The following TIE1 variants were observed in gnomAD, a reference collection of about 807,000 sequenced individuals.
TIE1 encodes tyrosine-protein kinase receptor Tie-1.
A neutral mutation model predicts 130.5 loss-of-function variants in TIE1; 89 were observed. The observed-to-expected ratio is 0.68, with a 90% CI of 0.57 to 0.81. The LOEUF (loss-of-function observed/expected upper bound fraction) is 0.81, where lower values mean the gene tolerates loss of function less well. Ranked by LOEUF, TIE1 falls within the 40% of genes least tolerant of loss-of-function variation. The pLI is 0.00. For synonymous variants in TIE1, 568 were observed against 629.4 expected (o/e 0.90, Z 1.46); for missense variants, 1,392 against 1,559.8 (o/e 0.89, Z 1.81).
chr1:43,309,373 C>A lies in TIE1; in HGVS notation c.1189-15C>A. The A allele has an allele frequency of 6.4e-7, 1 of 1,572,812 alleles. No individual in the cohort carries two copies. Among genetic ancestry groups the A allele is most frequent in the East Asian group, 2.2e-5 (1 of 44,762 alleles). On this transcript the variant is annotated splice_polypyrimidine_tract_variant and intron_variant, in intron 8 of 22. Transcript: ENST00000372476. This position sits in a 1 kb window ranked among gnomAD's most constrained non-coding sequence, Gnocchi z 6.3. ...CCGTTCCCTGTGACCTGTCCCCTTCCCCCATCTCTTTTAGTCCACCAAGGC... is the reference window on the plus strand; with the variant it reads ...CCGTTCCCTGTGACCTGTCCCCTTCACCCATCTCTTTTAGTCCACCAAGGC...
Position 43,311,756 on chromosome 1 carries a change from G to A in TIE1, c.1419G>A (p.Gly473=), listed in dbSNP as rs2153911715. 2 of 1,614,120 alleles carry A rather than the reference G, an allele frequency of 1.2e-6. No individual in the cohort carries two copies. Among genetic ancestry groups the A allele is most frequent in the South Asian group, 1.1e-5 (1 of 91,086 alleles). ...LVVSPLVSFS[G]DGPISTVRLH... ...TCTCCCCGCTGGTCTCGTTCTCTGG[G>A]GATGGACCCATCTCCACTGTCCGCC... The change falls in exon 10 of 23, where the codon GGG becomes GGA. Residue 473 remains glycine, a synonymous_variant. Transcript: ENST00000372476.
In TIE1 at chr1:43,304,845, C is replaced by A. The variant is rs557337556; in HGVS notation, c.59-6C>A. 16 of 1,416,884 alleles carry A rather than the reference C, an allele frequency of 1.1e-5. 1 individual carries two copies. The African/African-American group carries it at 2.1e-4, about 18-fold the overall frequency. 87.8% of individuals were successfully genotyped at this position (1,416,884 alleles called of 1,614,324 possible). On this transcript the variant is annotated splice_polypyrimidine_tract_variant and splice_region_variant and intron_variant, in intron 1 of 22. Coordinates refer to ENST00000372476, the MANE Select transcript of TIE1 (RefSeq NM_005424.5). ...TACAATAGAGTCACTGGTGTCCTGG[C>A]CCCAGGCGCGGCGGTGGACCTGACG...
Position 43,313,307 on chromosome 1 carries a change from G to A in TIE1, c.2100G>A (p.Glu700=). The A allele has an allele frequency of 1.2e-6, 2 of 1,614,052 alleles. No individual in the cohort carries two copies. Among genetic ancestry groups the A allele is most frequent in the Non-Finnish European group, 1.7e-6 (2 of 1,179,960 alleles). Reference sequence around the variant, plus strand: ...GGATAGACGTGGACAGGCCTGAGGAGACAAGCACCATCATCCGTGGCCTCA... The same window carrying A: ...GGATAGACGTGGACAGGCCTGAGGAAACAAGCACCATCATCCGTGGCCTCA... ...PLWIDVDRPE[E]TSTIIRGLNA... is the part of the protein sequence containing the mutation. Residue 700 remains glutamate (E), a synonymous_variant, in exon 13 of 23, where the codon GAG becomes GAA. Transcript: ENST00000372476. This position sits in a 1 kb window ranked among gnomAD's most constrained non-coding sequence, Gnocchi z 6.2.
At position 43,306,269 on chromosome 1, in the gene TIE1, C is replaced by G. The variant is rs1646727324; in HGVS notation, c.485-571C>G. Among the ~76,000 whole-genome samples, 1 of 152,128 alleles carries G rather than the reference C, an allele frequency of 6.6e-6. No homozygotes were observed. The highest frequency in any genetic ancestry group is 2.1e-4 in the South Asian group (1 of 4,830). Reference sequence around the variant, plus strand: ...GAGAAGAGCAGTAGGGTCTGAAACACAAGGGTGTTTCTAGAAGAGAAACAA... The same window carrying G: ...GAGAAGAGCAGTAGGGTCTGAAACAGAAGGGTGTTTCTAGAAGAGAAACAA... On this transcript the variant is annotated intron_variant, in intron 3 of 22. Transcript: ENST00000372476. The surrounding 1 kb of genome is among the most constrained non-coding windows in gnomAD (Gnocchi z 4.9).
At chr1:43,305,921 C>T (rs753289527) in intron 3 of TIE1, among the ~76,000 whole-genome samples, 1 of 152,194 alleles carries the variant, frequency 6.6e-6, no homozygotes, top group Non-Finnish European at 1.5e-5. Flanking sequence ...GATTCACAAC[C>T]CCTTGGCTGA....
At chr1:43,314,090 A>G in intron 14 of TIE1, 122 bp downstream of exon 14, 2 of 1,086,096 alleles carry the variant, frequency 1.8e-6, no homozygotes, top group Middle Eastern at 1.9e-4. Context: ...TGTTGCAGGT[A>G]TAAGATTACA....
chr1:43,309,392 C>A lies in TIE1; in HGVS notation c.1193C>A (p.Thr398Asn). ...CCCTTCCCCCATCTCTTTTAGTCCA[C>A]CAAGGCCATTGTGGAGCCAGAGAAG... ...RKPDGTVLLSTKAIVEPEKTT... is the reference protein window; with the variant it reads ...RKPDGTVLLSNKAIVEPEKTT... The change falls in exon 9 of 23, where the codon ACC becomes AAC. Residue 398 changes from threonine (T) to asparagine (N), a missense_variant. Physicochemically the swap from Thr to Asn is moderately conservative, Grantham distance 65. Transcript: ENST00000372476. This position sits in a 1 kb window ranked among gnomAD's most constrained non-coding sequence, Gnocchi z 6.3. The A allele has an allele frequency of 6.3e-7, 1 of 1,590,216 alleles. No homozygotes were observed.
At chr1:43,320,616 G>C (rs972446538) in intron 19 of TIE1, 16 of 152,222 alleles carry the variant, frequency 1.1e-4, no homozygotes, top group African/African-American at 3.9e-4. Flanking sequence ...ACTTTGGGAG[G>C]CCAAGGCGGG....
In TIE1 at chr1:43,306,548, C is replaced by A. The variant is rs907112995; in HGVS notation, c.485-292C>A. 1.3e-5 allele frequency among the ~76,000 whole-genome samples: 2 copies of A among 152,110 alleles called. No homozygotes were observed. Among genetic ancestry groups the A allele is most frequent in the African/African-American group, 4.8e-5 (2 of 41,412 alleles). On this transcript the variant is annotated intron_variant, in intron 3 of 22. Transcript: ENST00000372476. The surrounding 1 kb of genome is among the most constrained non-coding windows in gnomAD (Gnocchi z 4.9). The stretch of plus-strand genomic sequence containing the variant: ...GAGGCAGAGGAGCCTTGTGAGGCCC[C>A]TGGAGGCTAGGACCAGGGCAGTGGC...
At position 43,318,269 on chromosome 1, in the gene TIE1, C is replaced by T. The variant is rs540048854; in HGVS notation, c.2922+197C>T. 5.9e-5 allele frequency among the ~76,000 whole-genome samples: 9 copies of T among 152,164 alleles called. No homozygotes were observed. The East Asian group carries it at 9.7e-4, about 16-fold the overall frequency. On this transcript the variant is annotated intron_variant, in intron 17 of 22. Coordinates refer to ENST00000372476, the MANE Select transcript of TIE1 (RefSeq NM_005424.5). The surrounding 1 kb of genome is among the most constrained non-coding windows in gnomAD (Gnocchi z 4.4). ...GTGGGGACTTCCAGTATGGAGGGTGCGGGTGTTGAGTGAGCAGGTCTAGAT... is the reference window on the plus strand; with the variant it reads ...GTGGGGACTTCCAGTATGGAGGGTGTGGGTGTTGAGTGAGCAGGTCTAGAT...
chr1:43,305,110 G>A lies in TIE1; in HGVS notation c.318G>A (p.Val106=). ...ACCTCGTGGGCGTCTTCTCCTGCGT[G>A]GGCGGTGCTGGGGCGCGGCGCACGC... is the stretch of plus-strand genomic sequence containing the variant. The part of the protein sequence containing the change: ...PSDLVGVFSC[V]GGAGARRTRV... Residue 106 remains valine (V), a synonymous_variant, in exon 2 of 23, where the codon GTG becomes GTA. Transcript: ENST00000372476. The A allele has an allele frequency of 6.2e-7, 1 of 1,613,484 alleles. No individual in the cohort carries two copies. Among genetic ancestry groups the A allele is most frequent in the Non-Finnish European group, 8.5e-7 (1 of 1,179,724 alleles).
rs1040977734 is a variant in TIE1 at position 43,304,788 on chromosome 1, G to A, written c.59-63G>A. On this transcript the variant is annotated intron_variant, in intron 1 of 22. Coordinates refer to ENST00000372476, the MANE Select transcript of TIE1 (RefSeq NM_005424.5). The stretch of plus-strand genomic sequence containing the variant: ...TCAGTAAGACCAGAGGGCTGGGGCT[G>A]GGGGCTCTGGGGCACTAGGGTTGGC... 3 of 1,369,122 alleles carry A rather than the reference G, an allele frequency of 2.2e-6. No individual in the cohort carries two copies. In the African/African-American group the frequency reaches 4.6e-5, roughly 21 times the overall value. 84.8% of individuals were successfully genotyped at this position (1,369,122 alleles called of 1,614,324 possible). A position where few individuals can be genotyped will look rare whatever the true frequency, so the allele number is the denominator to read the frequency against.
chr1:43,305,324 C>A lies in TIE1; in HGVS notation c.465C>A (p.Asp155Glu). 6.4e-7 allele frequency: 1 copy of A among 1,569,946 alleles called. No individual in the cohort carries two copies. The change falls in exon 3 of 23, where the codon GAC (aspartate) becomes GAA (glutamate). Residue 155 changes from aspartate to glutamate, a missense_variant. Transcript: ENST00000372476. ...SARVHKEKQT[D>E]VIWKSNGSYF... ...GTGTGCACAAGGAGAAGCAGACAGA[C>A]GTGATCTGGAAGAGCAACGGTAAAG...
chr1:43,312,151 C>T lies in TIE1; in HGVS notation c.1630+20C>T, dbSNP rs748972513. On this transcript the variant is annotated intron_variant, in intron 11 of 22. Transcript: ENST00000372476. This position sits in a 1 kb window ranked among gnomAD's most constrained non-coding sequence, Gnocchi z 5.6. Reference sequence around the variant, plus strand: ...GTCCTGGTGAGAGGCCAAGAGTCATCCCTTCCTGTCCCCCCAAGGGTTACT... The same window carrying T: ...GTCCTGGTGAGAGGCCAAGAGTCATTCCTTCCTGTCCCCCCAAGGGTTACT... 2.0e-6 allele frequency: 3 copies of T among 1,518,762 alleles called. No individual in the cohort carries two copies. In the South Asian group the frequency reaches 4.0e-5, roughly 20 times the overall value. The allele number at this position is 1,518,762 out of a possible 1,614,324, so 94.1% of individuals were successfully genotyped here.
chr1:43,317,483 C>A lies in TIE1; in HGVS notation c.2620+74C>A. The A allele has an allele frequency of 6.2e-7, 1 of 1,608,160 alleles. No homozygotes were observed. On this transcript the variant is annotated intron_variant, in intron 15 of 22. Coordinates refer to ENST00000372476, the MANE Select transcript of TIE1 (RefSeq NM_005424.5). The surrounding 1 kb of genome is among the most constrained non-coding windows in gnomAD (Gnocchi z 5.1). ...ACAAATCCCAGGCCCCACCTGGCTT[C>A]CTCCAGCAATTGACCCCAGCCCTTG... is the stretch of plus-strand genomic sequence containing the variant.
chr1:43,302,484 T>G (rs1159427614), intron 1 of TIE1: 1 of 152,192 alleles, frequency 6.6e-6, no homozygotes, highest in Non-Finnish European at 1.5e-5. Context: ...AGAGGAGCAC[T>G]GAGGAGGAGT....
At position 43,322,304 on chromosome 1, in the gene TIE1, TGAAG is replaced by T. The variant is rs1484556370; in HGVS notation, c.3346-343_3346-340del. On this transcript the variant is annotated intron_variant, in intron 22 of 22. Coordinates refer to ENST00000372476, the MANE Select transcript of TIE1 (RefSeq NM_005424.5). This position sits in a 1 kb window ranked among gnomAD's most constrained non-coding sequence, Gnocchi z 4.0. ...AATGATTAAATAACCATCTTAAGAA[TGAAG>T]GAATGATCAAATAACCATATAAATG... Among the ~76,000 whole-genome samples the T allele has an allele frequency of 6.6e-6, 1 of 152,204 alleles. No homozygotes were observed. The highest frequency in any genetic ancestry group is 1.5e-5 in the Non-Finnish European group (1 of 68,030).
Position 43,314,333 on chromosome 1 carries a change from T to A in TIE1, c.2409+365T>A. 4 of 1,135,936 alleles carry A rather than the reference T, an allele frequency of 3.5e-6. No individual in the cohort carries two copies. The South Asian group carries it at 7.2e-5, about 20-fold the overall frequency. The allele number at this position is 1,135,936 out of a possible 1,614,324, so 70.4% of individuals were successfully genotyped here. On this transcript the variant is annotated intron_variant, in intron 14 of 22. Transcript: ENST00000372476. ...GGTTATCTAGGCCTAGATAGCAAGGTGATCAAATGGAAGGGCACTTGGGGT... is the reference window on the plus strand; with the variant it reads ...GGTTATCTAGGCCTAGATAGCAAGGAGATCAAATGGAAGGGCACTTGGGGT...
rs1646805479 is a variant in TIE1 at position 43,312,330 on chromosome 1, G to A, written c.1656G>A (p.Glu552=). 1.3e-6 allele frequency: 2 copies of A among 1,557,892 alleles called. No individual in the cohort carries two copies. Among genetic ancestry groups the A allele is most frequent in the Admixed American group, 3.6e-5 (2 of 55,882 alleles). The change falls in exon 12 of 23, where the codon GAG becomes GAA. Residue 552 remains glutamate, a synonymous_variant. Coordinates refer to ENST00000372476, the MANE Select transcript of TIE1 (RefSeq NM_005424.5). The surrounding 1 kb of genome is among the most constrained non-coding windows in gnomAD (Gnocchi z 5.6). Reference sequence around the variant, plus strand: ...AGCCTTTGTTGCAGCCGTGGTTGGAGGGCTGGCATGTGGAAGGCACTGACC... The same window carrying A: ...AGCCTTTGTTGCAGCCGTGGTTGGAAGGCTGGCATGTGGAAGGCACTGACC... The part of the protein sequence containing the change: ...CPEPLLQPWL[E]GWHVEGTDRL...
Sources: allele counts gnomAD v4.1 joint callset (sites outside exome capture counted in the v4.1 genomes callset), GRCh38; gene constraint gnomAD v4.1.1; non-coding constraint Gnocchi (gnomAD v3.1); transcripts MANE v1.5; gene names NCBI Gene and HGNC (gene_info 2026-07-23, HGNC 2026-07-21).